The following GCSAML variants were observed in gnomAD, a reference collection of about 807,000 sequenced individuals.
GCSAML encodes germinal center-associated signaling and motility-like protein.
In GCSAML, 9 loss-of-function variants were observed where a neutral mutation model predicts 13.0. The observed-to-expected ratio is 0.69, with a 90% CI of 0.42 to 1.21. The LOEUF (loss-of-function observed/expected upper bound fraction) is 1.21, where lower values mean the gene tolerates loss of function less well. Ranked by LOEUF, GCSAML falls within the 50% of genes most tolerant of loss-of-function variation. The pLI is 0.00. For missense variants in GCSAML, 143 were observed against 153.4 expected (o/e 0.93, Z 0.36); for synonymous variants, 37 against 52.9 (o/e 0.70, Z 1.31).
intron 2 of GCSAML, among the ~76,000 whole-genome samples, chr1:247,542,528 T>C (rs1667447139): frequency 6.6e-6 from 1 of 152,242 alleles, no homozygotes; most frequent in African/African-American, 2.4e-5. Context: ...ATACCTCAAA[T>C]AGAAGAGCGA....
At chr1:247,557,292 G>A (rs1342683232) in intron 2 of GCSAML, among the ~76,000 whole-genome samples, 2 of 151,892 alleles carry the variant, frequency 1.3e-5, no homozygotes, top group East Asian at 1.9e-4. Flanking sequence ...GCACTTTAAC[G>A]TCACTTCTGT....
chr1:247,558,967 A>G (rs556357744), intron 2 of GCSAML, among the ~76,000 whole-genome samples: 185 of 152,256 alleles, frequency 1.2e-3, no homozygotes, highest in African/African-American at 4.4e-3. Flanking sequence ...TCTTTGTCCT[A>G]TATGTTAACT....
intron 2 of GCSAML, among the ~76,000 whole-genome samples, chr1:247,534,201 G>A (rs767849016): frequency 4.4e-4 from 67 of 151,866 alleles, no homozygotes; most frequent in Non-Finnish European, 4.3e-4. Flanking sequence ...TTTGCTACCC[G>A]TCTCGCTCCA....
At chr1:247,531,830 T>A (rs1410999570) in intron 2 of GCSAML, 1 of 1,613,946 alleles carries the variant, frequency 6.2e-7, no homozygotes, top group African/African-American at 1.3e-5. Flanking sequence ...GACCTGATCT[T>A]CAACACGGCC....
chr1:247,565,703 C>T (rs1668322389), intron 3 of GCSAML: 6 of 477,896 alleles, frequency 1.3e-5, no homozygotes, highest in East Asian at 3.6e-5. Context: ...AAAGAACATA[C>T]TATTGATGCT....
intron 4 of GCSAML, among the ~76,000 whole-genome samples, chr1:247,569,071 G>C (rs879761165): frequency 1.3e-5 from 2 of 152,182 alleles, no homozygotes; most frequent in African/African-American, 4.8e-5. Context: ...CTGAGACTTT[G>C]CTGAAGTTGC....
intron 1 of GCSAML, among the ~76,000 whole-genome samples, chr1:247,551,079 C>T (rs1240530113): frequency 2.0e-5 from 3 of 152,114 alleles, no homozygotes; most frequent in Admixed American, 6.6e-5. Context: ...TCAAGTCATC[C>T]GTCATTTCCA....
rs1377870075 is a variant in GCSAML at position 247,576,326 on chromosome 1, C to T, written c.*1944C>T. The T allele has an allele frequency of 6.6e-6, 1 of 152,176 alleles. No individual in the cohort carries two copies. Among genetic ancestry groups the T allele is most frequent in the East Asian group, 1.9e-4 (1 of 5,186 alleles). 9.4% of individuals were successfully genotyped at this position (152,176 alleles called of 1,614,324 possible). On this transcript the variant is annotated 3_prime_UTR_variant, in exon 5 of 5. Coordinates refer to ENST00000366488, the MANE Select transcript of GCSAML (RefSeq NM_145278.5). ...TTGGGAAGCCAAGACAGGTGGATCT[C>T]TTGAGCCCAGGAGTTTGAGGCCAGA...
intron 4 of GCSAML, among the ~76,000 whole-genome samples, chr1:247,571,891 TG>T (rs1558263018): frequency 6.6e-6 from 1 of 152,324 alleles, no homozygotes; most frequent in East Asian, 1.9e-4. Flanking sequence ...TTGGAGGCTT[TG>T]TTTGTTCCTT....
At chr1:247,521,373 CTCTCCCTCTCCACGG>C (rs1666416022) in intron 1 of GCSAML, among the ~76,000 whole-genome samples, 7 of 151,482 alleles carry the variant, frequency 4.6e-5, no homozygotes, top group South Asian at 2.1e-4. Context: ...CACGGTCTCC[CTCTCCCTCTCCACGG>C]TCTCCCTCTC....
chr1:247,551,420 T>C (rs537450330), intron 1 of GCSAML, among the ~76,000 whole-genome samples: 1 of 152,302 alleles, frequency 6.6e-6, no homozygotes, highest in South Asian at 2.1e-4. Flanking sequence ...GCTGGGGGTC[T>C]GATAATGAAG....
chr1:247,508,065 T>C (rs1025843671), intron 1 of GCSAML, among the ~76,000 whole-genome samples: 7 of 152,216 alleles, frequency 4.6e-5, no homozygotes, highest in African/African-American at 7.2e-5. Flanking sequence ...GTATTTCTGG[T>C]TCTAGATCCT....
chr1:247,541,181 CA>C (rs1348263105), intron 2 of GCSAML, among the ~76,000 whole-genome samples: 2 of 130,814 alleles, frequency 1.5e-5, no homozygotes, highest in Non-Finnish European at 3.3e-5. Context: ...AAAGCTTTTT[CA>C]ATTTTTTTTT....
rs148025133 is a variant in GCSAML, at chr1:247,531,253, T to C, written c.-148+4199T>C. The C allele has an allele frequency of 4.1e-3, 1,570 of 380,500 alleles. 19 individuals carry two copies. The highest frequency in any genetic ancestry group is 0.029 in the African/African-American group (1,426 of 48,568). 23.6% of individuals were successfully genotyped at this position (380,500 alleles called of 1,614,324 possible). Reference sequence around the variant, plus strand: ...ACGGAGCGTCCTGGAATCCACCCGCTTCGGATACTGAGGAACAGCTGAACA... The same window carrying C: ...ACGGAGCGTCCTGGAATCCACCCGCCTCGGATACTGAGGAACAGCTGAACA... On this transcript the variant is annotated intron_variant, in intron 2 of 5. Transcript: ENST00000366489.
chr1:247,517,818 C>T (rs544959228), intron 1 of GCSAML, among the ~76,000 whole-genome samples: 24 of 152,324 alleles, frequency 1.6e-4, no homozygotes, highest in African/African-American at 5.8e-4. Flanking sequence ...TTTCTAATCA[C>T]TGCAGCCTGT....
chr1:247,512,395 G>A (rs376114623), intron 1 of GCSAML, among the ~76,000 whole-genome samples: 1 of 151,814 alleles, frequency 6.6e-6, no homozygotes, highest in South Asian at 2.1e-4. Flanking sequence ...GGTTATTCTA[G>A]TTAGCAATTC....
intron 2 of GCSAML, among the ~76,000 whole-genome samples, chr1:247,562,799 A>C (rs1389265814): frequency 6.6e-6 from 1 of 150,882 alleles, no homozygotes; most frequent in Admixed American, 6.6e-5. Flanking sequence ...AATAATCTCT[A>C]TTTCTTTCAT....
At chr1:247,545,823 T>G (rs1017928125), upstream of GCSAML, among the ~76,000 whole-genome samples, 3 of 152,214 alleles carry the variant, frequency 2.0e-5, no homozygotes, top group Non-Finnish European at 4.4e-5. Flanking sequence ...TTGCAAATAT[T>G]TTCTCCCACT....
chr1:247,556,834 G>A (rs1317962371), intron 2 of GCSAML, among the ~76,000 whole-genome samples: 1 of 151,996 alleles, frequency 6.6e-6, no homozygotes, highest in Non-Finnish European at 1.5e-5. Flanking sequence ...TTCCTTGCCC[G>A]AGACCATTCA....
Sources: allele counts gnomAD v4.1 joint callset (sites outside exome capture counted in the v4.1 genomes callset), GRCh38; gene constraint gnomAD v4.1.1; transcripts MANE v1.5; gene names NCBI Gene and HGNC (gene_info 2026-07-23, HGNC 2026-07-21).